Variants in AFG2A observed in about 807,000 individuals in gnomAD.
The protein encoded by AFG2A is AAA ATPase AFG2A, also known as ATPase family gene 2 protein homolog A.
At chr4:123,275,834 A>G in the AFG2A span, among the ~76,000 whole-genome samples, 1 of 152,178 alleles carries the variant, frequency 6.6e-6, no homozygotes, top group Non-Finnish European at 1.5e-5. Flanking sequence ...CTTGTTTTTT[A>G]TGGCTGCGTA....
At chr4:122,999,809 A>G in the AFG2A span, among the ~76,000 whole-genome samples, 1 of 151,950 alleles carries the variant, frequency 6.6e-6, no homozygotes, top group Non-Finnish European at 1.5e-5. Flanking sequence ...TTGGTTCCAT[A>G]TGAACTTTAA....
chr4:122,975,724 G>A, the AFG2A span, among the ~76,000 whole-genome samples: 1 of 152,036 alleles, frequency 6.6e-6, no homozygotes, highest in Admixed American at 6.5e-5. Flanking sequence ...TTGCTTTGGA[G>A]AGAGACACTT....
the AFG2A span, among the ~76,000 whole-genome samples, chr4:123,119,129 T>G: frequency 1.3e-5 from 2 of 152,154 alleles, no homozygotes; most frequent in African/African-American, 2.4e-5. Flanking sequence ...ATTTAGGTTT[T>G]TTTTTCTAAA....
At chr4:123,149,424 C>T in the AFG2A span, among the ~76,000 whole-genome samples, 1 of 152,138 alleles carries the variant, frequency 6.6e-6, no homozygotes, top group Non-Finnish European at 1.5e-5. Context: ...TGGGGTTTAG[C>T]TGTCTATAAT....
chr4:123,157,572 A>G, the AFG2A span, among the ~76,000 whole-genome samples: 1 of 152,160 alleles, frequency 6.6e-6, no homozygotes, highest in Non-Finnish European at 1.5e-5. Context: ...TCAAAAAAAA[A>G]TTGTAACTCT....
chr4:123,218,338 G>A, the AFG2A span, among the ~76,000 whole-genome samples: 8 of 152,108 alleles, frequency 5.3e-5, no homozygotes, highest in Admixed American at 2.0e-4. Flanking sequence ...TCCTTTTATC[G>A]TTTGAAGTAT....
the AFG2A span, among the ~76,000 whole-genome samples, chr4:123,116,990 G>A: frequency 4.6e-5 from 7 of 152,040 alleles, no homozygotes; most frequent in Non-Finnish European, 7.4e-5. Context: ...AATTATCTTG[G>A]TAGAATATTC....
the AFG2A span, chr4:122,979,378 G>A: frequency 6.2e-7 from 1 of 1,613,682 alleles, no homozygotes; most frequent in African/African-American, 1.3e-5. Flanking sequence ...AGCAATTGAT[G>A]TCCCAAATGT....
chr4:123,225,346 C>T, the AFG2A span, among the ~76,000 whole-genome samples: 4 of 152,096 alleles, frequency 2.6e-5, no homozygotes, highest in African/African-American at 4.8e-5. Flanking sequence ...GGTTTTAGGT[C>T]TAACATTTAA....
chr4:123,093,037 C>T, the AFG2A span, among the ~76,000 whole-genome samples: 4,124 of 152,246 alleles, frequency 0.027, 80 homozygotes, highest in Non-Finnish European at 0.035. Flanking sequence ...TTCGCAGTAG[C>T]ACCTAGATTA....
At chr4:123,188,685 T>G in the AFG2A span, among the ~76,000 whole-genome samples, 3 of 152,246 alleles carry the variant, frequency 2.0e-5, no homozygotes, top group Non-Finnish European at 4.4e-5. Context: ...ACATCACTTC[T>G]GTTTTAAAAT....
the AFG2A span, among the ~76,000 whole-genome samples, chr4:123,160,798 T>G: frequency 6.6e-6 from 1 of 152,118 alleles, no homozygotes; most frequent in Non-Finnish European, 1.5e-5. Context: ...CCATGGGTTA[T>G]ATTAACTGCT....
the AFG2A span, among the ~76,000 whole-genome samples, chr4:122,971,989 G>A: frequency 1.3e-5 from 2 of 151,924 alleles, no homozygotes; most frequent in African/African-American, 2.4e-5. Flanking sequence ...TCCTTGTAAT[G>A]TCCCTTTAAG....
the AFG2A span, among the ~76,000 whole-genome samples, chr4:123,174,859 C>G: frequency 6.6e-6 from 1 of 151,822 alleles, no homozygotes; most frequent in Admixed American, 6.6e-5. Flanking sequence ...GAGACACAGT[C>G]TTGCTTTGTC....
the AFG2A span, among the ~76,000 whole-genome samples, chr4:123,120,919 C>T: frequency 6.6e-6 from 1 of 152,028 alleles, no homozygotes. Context: ...AAAACAGCCT[C>T]AGGCAGGTCC....
the AFG2A span, among the ~76,000 whole-genome samples, chr4:122,946,107 G>T: frequency 6.6e-6 from 1 of 152,228 alleles, no homozygotes; most frequent in Non-Finnish European, 1.5e-5. Context: ...AGAGAATCAT[G>T]TATAAAATAG....
the AFG2A span, among the ~76,000 whole-genome samples, chr4:122,970,819 G>T: frequency 6.6e-6 from 1 of 151,472 alleles, no homozygotes; most frequent in Admixed American, 6.6e-5. Context: ...ACGCATGTCT[G>T]TATCTAGAAG....
At chr4:123,100,609 C>T in the AFG2A span, among the ~76,000 whole-genome samples, 2 of 151,978 alleles carry the variant, frequency 1.3e-5, no homozygotes, top group African/African-American at 4.8e-5. Flanking sequence ...CTCCTGCTGC[C>T]TCTACCCTGA....
the AFG2A span, among the ~76,000 whole-genome samples, chr4:123,300,217 G>GA: frequency 6.6e-6 from 1 of 151,928 alleles, no homozygotes; most frequent in Non-Finnish European, 1.5e-5. Context: ...ATCAGAAGAG[G>GA]AAAAAAATGC....
Sources: gnomAD v4.1 joint callset for allele counts (sites outside exome capture counted in the v4.1 genomes callset) on GRCh38, gnomAD v4.1.1 for gene constraint, MANE v1.5 for transcripts, NCBI Gene and HGNC (gene_info 2026-07-23, HGNC 2026-07-21) for gene names.